The following DEPDC1B variants were observed in gnomAD, a reference collection of about 807,000 sequenced individuals.
The protein encoded by DEPDC1B is DEP domain-containing protein 1B.
Under a neutral mutation model 66.5 loss-of-function variants are expected in DEPDC1B, and 51 were observed. That is an observed-to-expected ratio of 0.77 (90% CI 0.61 to 0.97). The LOEUF (loss-of-function observed/expected upper bound fraction) is 0.97. Ranked by LOEUF, DEPDC1B falls within the 50% of genes least tolerant of loss-of-function variation. The pLI, the probability that DEPDC1B is intolerant of heterozygous loss-of-function variation, is 0.00. For missense variants in DEPDC1B, 552 were observed against 637.1 expected (o/e 0.87, Z 1.44); for synonymous variants, 226 against 223.6 (o/e 1.01, Z -0.10).
intron 3 of DEPDC1B, among the ~76,000 whole-genome samples, chr5:60,645,908 C>T (rs182515730): frequency 2.0e-5 from 3 of 152,172 alleles, no homozygotes; most frequent in East Asian, 1.9e-4. Context: ...TTCCTGTGGA[C>T]GTTTCAACTA....
At chr5:60,675,571 G>A (rs750049299) in intron 2 of DEPDC1B, among the ~76,000 whole-genome samples, 18 of 152,204 alleles carry the variant, frequency 1.2e-4, no homozygotes, top group Non-Finnish European at 2.2e-4. Flanking sequence ...GATTCTAAAT[G>A]TAACTAGCAA....
chr5:60,658,591 A>C (rs972102960), intron 2 of DEPDC1B, among the ~76,000 whole-genome samples: 2 of 152,154 alleles, frequency 1.3e-5, no homozygotes, highest in African/African-American at 4.8e-5. Context: ...TGGGCTTGTA[A>C]CTCAGCTCAC....
At chr5:60,651,511 A>G (rs1753450105) in intron 2 of DEPDC1B, among the ~76,000 whole-genome samples, 2 of 151,444 alleles carry the variant, frequency 1.3e-5, no homozygotes, top group South Asian at 4.2e-4. Context: ...AGACTGGGCA[A>G]CAGAGAGAGA....
At chr5:60,669,754 A>G (rs1048144179) in intron 2 of DEPDC1B, among the ~76,000 whole-genome samples, 20 of 152,236 alleles carry the variant, frequency 1.3e-4, no homozygotes, top group African/African-American at 4.3e-4. Context: ...CCACATGAAT[A>G]AAGATTCCAT....
At chr5:60,623,445 C>T (rs1284684794) in intron 7 of DEPDC1B, among the ~76,000 whole-genome samples, 1 of 152,066 alleles carries the variant, frequency 6.6e-6, no homozygotes, top group African/African-American at 2.4e-5. Context: ...GTCTTAAAAA[C>T]AGGTAATGTA....
At chr5:60,620,424 A>C (rs1418082046) in intron 7 of DEPDC1B, among the ~76,000 whole-genome samples, 5 of 152,242 alleles carry the variant, frequency 3.3e-5, no homozygotes, top group Non-Finnish European at 5.9e-5. Flanking sequence ...ATCTACAATG[A>C]ACTCGAACAA....
At chr5:60,604,996 G>C (rs900494293) in intron 8 of DEPDC1B, among the ~76,000 whole-genome samples, 1 of 152,174 alleles carries the variant, frequency 6.6e-6, no homozygotes, top group African/African-American at 2.4e-5. Context: ...ACAGGATATG[G>C]AAAGCACATA....
intron 2 of DEPDC1B, among the ~76,000 whole-genome samples, chr5:60,677,326 A>ACACACTCTCTCTCTCTCTCT (rs770640655): frequency 6.5e-5 from 7 of 108,524 alleles, no homozygotes; most frequent in African/African-American, 2.8e-4. Flanking sequence ...ACACACACAC[A>ACACACTCTCTCTCTCTCTCT]CTCTCTCTCT....
chr5:60,630,506 C>T (rs992641081), intron 7 of DEPDC1B: 1 of 152,214 alleles, frequency 6.6e-6, no homozygotes, highest in South Asian at 2.1e-4. Context: ...ACTGTGCAGG[C>T]CCTGAAAAGC....
chr5:60,641,367 G>C (rs879451136), intron 6 of DEPDC1B, among the ~76,000 whole-genome samples: 1 of 68,136 alleles, frequency 1.5e-5, no homozygotes, highest in African/African-American at 6.1e-5. Flanking sequence ...TTTTTTTTTT[G>C]AGACGGAGTC....
chr5:60,656,360 C>G (rs913988028), intron 2 of DEPDC1B, among the ~76,000 whole-genome samples: 1 of 152,000 alleles, frequency 6.6e-6, no homozygotes, highest in Non-Finnish European at 1.5e-5. Context: ...CGGGGTTTCA[C>G]TGTGGTCTCG....
chr5:60,609,412 A>G (rs887436136), intron 7 of DEPDC1B, among the ~76,000 whole-genome samples: 1 of 152,110 alleles, frequency 6.6e-6, no homozygotes, highest in Non-Finnish European at 1.5e-5. Flanking sequence ...TTAAATCCAT[A>G]ATCATTCCCC....
In DEPDC1B at chr5:60,667,941, A is replaced by C. The variant is rs569228382; in HGVS notation, c.314+19021T>G. Among the ~76,000 whole-genome samples the C allele has an allele frequency of 6.6e-5, 8 of 121,676 alleles. 2 individuals are homozygous for C. In the East Asian group the frequency reaches 1.8e-3, roughly 28 times the overall value. 79.8% of individuals were successfully genotyped at this position (121,676 alleles called of 152,430 possible). On this transcript the variant is annotated intron_variant, in intron 2 of 10. Coordinates refer to ENST00000265036, the MANE Select transcript of DEPDC1B (RefSeq NM_018369.3). The stretch of plus-strand genomic sequence containing the variant: ...AAATGGATATTTTATATATATATAA[A>C]ATGGATATTTTATATATATAATGGA...
chr5:60,675,600 TA>T (rs541397686), intron 2 of DEPDC1B, among the ~76,000 whole-genome samples: 152 of 152,342 alleles, frequency 1.0e-3, no homozygotes, highest in African/African-American at 3.6e-3. Flanking sequence ...TAATGAACAA[TA>T]TGTTTAAAAC....
chr5:60,661,763 G>A (rs1753721174), intron 2 of DEPDC1B, among the ~76,000 whole-genome samples: 1 of 152,280 alleles, frequency 6.6e-6, no homozygotes, highest in East Asian at 1.9e-4. Flanking sequence ...GTCAATGATA[G>A]GATGACAACA....
At chr5:60,683,278 A>T (rs967346001) in intron 2 of DEPDC1B, among the ~76,000 whole-genome samples, 3 of 152,104 alleles carry the variant, frequency 2.0e-5, no homozygotes, top group African/African-American at 7.2e-5. Context: ...AAATTTTTTA[A>T]AAAAATTAGC....
chr5:60,613,446 T>C (rs1297984901), intron 7 of DEPDC1B, among the ~76,000 whole-genome samples: 1 of 152,182 alleles, frequency 6.6e-6, no homozygotes, highest in African/African-American at 2.4e-5. Flanking sequence ...TGCTAAGATC[T>C]GAGAATCCCA....
intron 2 of DEPDC1B, among the ~76,000 whole-genome samples, chr5:60,664,436 C>A (rs1561382089): frequency 6.6e-6 from 1 of 152,206 alleles, no homozygotes; most frequent in East Asian, 1.9e-4. Context: ...GTCAGACAAC[C>A]ATTTGCTTAA....
chr5:60,695,367 G>C (rs1033305845), intron 1 of DEPDC1B, among the ~76,000 whole-genome samples: 15 of 152,102 alleles, frequency 9.9e-5, no homozygotes, highest in Non-Finnish European at 1.5e-4. Flanking sequence ...ACACAGCAAG[G>C]GGGGAACAAG....
Sources: allele counts gnomAD v4.1 joint callset (sites outside exome capture counted in the v4.1 genomes callset), GRCh38; gene constraint gnomAD v4.1.1; transcripts MANE v1.5; gene names NCBI Gene and HGNC (gene_info 2026-07-23, HGNC 2026-07-21).